SLC24A2: variants seen among roughly 807,000 people sequenced by gnomAD.
The protein encoded by SLC24A2 is solute carrier family 24 member 2, also known as sodium/potassium/calcium exchanger 2.
Under a neutral mutation model 62.0 loss-of-function variants are expected in SLC24A2, and 36 were observed. The ratio of observed to expected loss-of-function variants is 0.58; its 90% confidence interval spans 0.44 to 0.77. The LOEUF (loss-of-function observed/expected upper bound fraction) is 0.77, where lower values mean the gene tolerates loss of function less well. SLC24A2 is among the 30% of genes least tolerant of loss of function. SLC24A2 has a pLI of 0.00. For synonymous variants in SLC24A2, 358 were observed against 294.0 expected (o/e 1.22, Z -2.23); for missense variants, 846 against 817.9 (o/e 1.03, Z -0.42).
the SLC24A2 span, among the ~76,000 whole-genome samples, chr9:19,904,679 C>T: frequency 6.8e-6 from 1 of 147,502 alleles, no homozygotes; most frequent in African/African-American, 2.7e-5. Context: ...ATGAATGCTG[C>T]ATACATTGTA....
chr9:19,856,820 A>G, the SLC24A2 span, among the ~76,000 whole-genome samples: 10 of 152,144 alleles, frequency 6.6e-5, no homozygotes, highest in African/African-American at 2.2e-4. Context: ...CCCATGGTGG[A>G]TCGGTTGCGC....
the SLC24A2 span, among the ~76,000 whole-genome samples, chr9:20,061,394 G>C: frequency 1.3e-5 from 2 of 151,840 alleles, no homozygotes; most frequent in East Asian, 1.9e-4. Context: ...TCAAGTGATT[G>C]TCCTGCCTCA....
At chr9:19,974,398 C>A in the SLC24A2 span, among the ~76,000 whole-genome samples, 1 of 152,178 alleles carries the variant, frequency 6.6e-6, no homozygotes, top group African/African-American at 2.4e-5. Context: ...TCTAAAGTGG[C>A]AGGGAGCCTT....
At chr9:20,299,366 G>A in the SLC24A2 span, among the ~76,000 whole-genome samples, 2 of 152,218 alleles carry the variant, frequency 1.3e-5, no homozygotes, top group African/African-American at 4.8e-5. Flanking sequence ...TACACTAAGG[G>A]TGGTCCCAAG....
At chr9:19,877,563 G>C in the SLC24A2 span, among the ~76,000 whole-genome samples, 1 of 151,874 alleles carries the variant, frequency 6.6e-6, no homozygotes, top group Non-Finnish European at 1.5e-5. Flanking sequence ...GTATGGGAAT[G>C]TAGTGGCAGT....
chr9:19,555,084 T>A (rs1208062806), intron 7 of SLC24A2, among the ~76,000 whole-genome samples: 1 of 152,156 alleles, frequency 6.6e-6, no homozygotes, highest in Non-Finnish European at 1.5e-5. Flanking sequence ...TTCTTGGTGT[T>A]TATAGGAAAT....
chr9:19,835,482 C>G, the SLC24A2 span, among the ~76,000 whole-genome samples: 2 of 152,106 alleles, frequency 1.3e-5, no homozygotes, highest in African/African-American at 4.8e-5. Flanking sequence ...ACAAAGAAGG[C>G]CATTACATAA....
At chr9:19,874,075 CTTTTTTTTTTT>C in the SLC24A2 span, among the ~76,000 whole-genome samples, 2 of 107,304 alleles carry the variant, frequency 1.9e-5, no homozygotes, top group Non-Finnish European at 3.8e-5. Context: ...CTTTTCTTTT[CTTTTTTTTTTT>C]TTTTTTTTTT....
the SLC24A2 span, among the ~76,000 whole-genome samples, chr9:20,279,945 C>T: frequency 6.6e-6 from 1 of 152,174 alleles, no homozygotes; most frequent in Non-Finnish European, 1.5e-5. Context: ...AGGATCAGGA[C>T]TTTGAGATTC....
At chr9:20,008,798 C>G in the SLC24A2 span, among the ~76,000 whole-genome samples, 1 of 152,148 alleles carries the variant, frequency 6.6e-6, no homozygotes, top group Non-Finnish European at 1.5e-5. Flanking sequence ...TACTCTACCC[C>G]ACTGGCAGCA....
rs1307657522 is a variant in SLC24A2 at position 19,514,872 on chromosome 9, C to G, written c.*1281G>C. 6.6e-6 allele frequency: 1 copy of G among 152,196 alleles called. No individual in the cohort carries two copies. The highest frequency in any genetic ancestry group is 6.5e-5 in the Admixed American group (1 of 15,276). 9.4% of individuals were successfully genotyped at this position (152,196 alleles called of 1,614,324 possible). A position where few individuals can be genotyped will look rare whatever the true frequency, so the allele number is the denominator to read the frequency against. On this transcript the variant is annotated 3_prime_UTR_variant, in exon 11 of 11. Coordinates refer to ENST00000341998, the MANE Select transcript of SLC24A2 (RefSeq NM_020344.4). Reference sequence around the variant, plus strand: ...CTTTCCAAGCATCGCTAAGTTGCCTCAACCCAAGCAGTGCTGATCAGAGTT... The same window carrying G: ...CTTTCCAAGCATCGCTAAGTTGCCTGAACCCAAGCAGTGCTGATCAGAGTT...
the SLC24A2 span, among the ~76,000 whole-genome samples, chr9:19,885,022 A>G: frequency 0.42 from 63,119 of 152,064 alleles, 13,702 homozygotes; most frequent in East Asian, 0.84. Flanking sequence ...CAGGAGGACT[A>G]GAATTTTTTC....
At chr9:19,836,226 C>G in the SLC24A2 span, among the ~76,000 whole-genome samples, 1 of 152,060 alleles carries the variant, frequency 6.6e-6, no homozygotes, top group African/African-American at 2.4e-5. Context: ...TAACTAAGAT[C>G]AGAGCAGAAC....
intron 2 of SLC24A2, among the ~76,000 whole-genome samples, chr9:19,772,835 CAT>C (rs1170188797): frequency 1.5e-4 from 23 of 152,186 alleles, no homozygotes; most frequent in African/African-American, 4.8e-4. Flanking sequence ...CAATTCTACT[CAT>C]AAGCATATGC....
rs1308024496 is a variant in SLC24A2 at position 19,513,883 on chromosome 9, C to T, written c.*2270G>A. On this transcript the variant is annotated 3_prime_UTR_variant, in exon 11 of 11. Transcript: ENST00000341998. ...CTCATTCTTTCACTCTCTAAGGAAG[C>T]AGGACAAATTCTTGCCCCAGTACAA... 1 of 152,162 alleles carries T rather than the reference C, an allele frequency of 6.6e-6. No homozygotes were observed. The highest frequency in any genetic ancestry group is 1.5e-5 in the Non-Finnish European group (1 of 68,026). 9.4% of individuals were successfully genotyped at this position (152,162 alleles called of 1,614,324 possible).
the SLC24A2 span, among the ~76,000 whole-genome samples, chr9:20,148,643 C>A: frequency 6.6e-6 from 1 of 152,078 alleles, no homozygotes; most frequent in East Asian, 1.9e-4. Context: ...GGATTTTGAC[C>A]TCAGTTGGAA....
chr9:19,769,174 C>T (rs1421955631), intron 2 of SLC24A2, among the ~76,000 whole-genome samples: 1 of 152,178 alleles, frequency 6.6e-6, no homozygotes, highest in East Asian at 1.9e-4. Flanking sequence ...AGTGCAATTC[C>T]ATTCTTCTAG....
chr9:20,109,906 T>C, the SLC24A2 span, among the ~76,000 whole-genome samples: 2 of 152,324 alleles, frequency 1.3e-5, no homozygotes, highest in South Asian at 4.1e-4. Flanking sequence ...ATTCTGGAAT[T>C]TTAGCTGGAT....
chr9:19,551,603 A>G (rs1378299191), intron 7 of SLC24A2, among the ~76,000 whole-genome samples: 2 of 152,112 alleles, frequency 1.3e-5, no homozygotes, highest in African/African-American at 2.4e-5. Flanking sequence ...GAGACCATAT[A>G]AATAACTTTA....
Sources: allele counts gnomAD v4.1 joint callset (sites outside exome capture counted in the v4.1 genomes callset), GRCh38; gene constraint gnomAD v4.1.1; transcripts MANE v1.5; gene names NCBI Gene and HGNC (gene_info 2026-07-23, HGNC 2026-07-21).